The following STEAP3 variants were observed in gnomAD, a reference collection of about 807,000 sequenced individuals.
STEAP3 encodes metalloreductase STEAP3.
STEAP3 carries 35 observed loss-of-function variants against 34.9 expected under a neutral mutation model. The ratio of observed to expected loss-of-function variants is 1.00; its 90% CI spans 0.76 to 1.33. STEAP3 has a LOEUF of 1.33. Among genes scored for constraint, STEAP3 ranks in the 40% most tolerant of loss-of-function variants. STEAP3 has a pLI of 0.00. For missense variants in STEAP3, 652 were observed against 667.6 expected (o/e 0.98, Z 0.26); for synonymous variants, 281 against 301.6 (o/e 0.93, Z 0.71).
chr2:119,263,568 A>G lies in STEAP3; in HGVS notation c.*230A>G, dbSNP rs906442169. 2 of 633,006 alleles carry G rather than the reference A, an allele frequency of 3.2e-6. No homozygotes were observed. The highest frequency in any genetic ancestry group is 2.7e-6 in the Non-Finnish European group (1 of 367,346). 39.2% of individuals were successfully genotyped at this position (633,006 alleles called of 1,614,324 possible). On this transcript the variant is annotated 3_prime_UTR_variant, in exon 6 of 6. Coordinates refer to ENST00000393110, the MANE Select transcript of STEAP3 (RefSeq NM_182915.3). ...TATATAACAGGATTTGCAATTATAC[A>G]TAGCTAGCTAAAAAGTTGGGTCTCT...
chr2:119,235,044 G>A (rs1216511958), intron 2 of STEAP3, among the ~76,000 whole-genome samples: 3 of 152,202 alleles, frequency 2.0e-5, no homozygotes, highest in Non-Finnish European at 4.4e-5. Context: ...AGGAAACTCT[G>A]TCCTCTGGGA....
chr2:119,236,523 T>C (rs1188698179), intron 2 of STEAP3, among the ~76,000 whole-genome samples: 1 of 152,172 alleles, frequency 6.6e-6, no homozygotes, highest in Non-Finnish European at 1.5e-5. Context: ...GGCTGCATTG[T>C]GGGGAGTGGC....
rs1374285773 is a variant in STEAP3 at position 119,245,897 on chromosome 2, C to T, written c.431C>T (p.Ala144Val). 37 of 1,613,898 alleles carry T rather than the reference C, an allele frequency of 2.3e-5. No individual in the cohort carries two copies. The highest frequency in any genetic ancestry group is 3.1e-5 in the Non-Finnish European group (36 of 1,180,050). The stretch of plus-strand genomic sequence containing the variant: ...CGTGAGTCCAATGCTGAGTACCTGG[C>T]CTCCCTCTTCCCCACTTGCACAGTG... ...QHRESNAEYL[A>V]SLFPTCTVVK... The change falls in exon 3 of 6, where the codon GCC (alanine) becomes GTC (valine). Residue 144 changes from alanine (A) to valine (V), a missense_variant. Ala to Val is a moderately conservative substitution (Grantham distance 64). Coordinates refer to ENST00000393110, the MANE Select transcript of STEAP3 (RefSeq NM_182915.3).
intron 1 of STEAP3, among the ~76,000 whole-genome samples, chr2:119,227,949 C>T (rs1278809784): frequency 6.6e-6 from 1 of 152,150 alleles, no homozygotes; most frequent in Non-Finnish European, 1.5e-5. Context: ...CCTGCTTCAG[C>T]CTCCTGAGCA....
chr2:119,259,097 G>C (rs915802842), intron 5 of STEAP3, among the ~76,000 whole-genome samples: 3 of 152,094 alleles, frequency 2.0e-5, no homozygotes, highest in South Asian at 2.1e-4. Context: ...CTTTCCCAGA[G>C]TTAGAGGAAC....
In STEAP3 at chr2:119,245,807, A is replaced by G. The variant is rs1573559253; in HGVS notation, c.341A>G (p.Asp114Gly). 1 of 1,614,174 alleles carries G rather than the reference A, an allele frequency of 6.2e-7. No individual in the cohort carries two copies. The highest frequency in any genetic ancestry group is 2.2e-5 in the East Asian group (1 of 44,876). Reference protein sequence around the residue: ...EHYSSLCSLSDQLAGKILVDV... With the variant: ...EHYSSLCSLSGQLAGKILVDV... ...TACTCTTCACTGTGCAGTCTCAGTG[A>G]CCAGCTGGCGGGCAAGATCCTGGTG... Residue 114 changes from aspartate (D) to glycine (G), a missense_variant, in exon 3 of 6, where the codon GAC becomes GGC. By Grantham distance (94) the Asp-to-Gly change is moderately conservative (BLOSUM62 -1). Coordinates refer to ENST00000393110, the MANE Select transcript of STEAP3 (RefSeq NM_182915.3).
At position 119,263,246 on chromosome 2, in the gene STEAP3, G is replaced by T. The variant is rs771841410; in HGVS notation, c.1405G>T (p.Ala469Ser). The T allele has an allele frequency of 2.5e-6, 4 of 1,613,984 alleles. No individual in the cohort carries two copies. The highest frequency in any genetic ancestry group is 1.6e-4 in the Middle Eastern group (1 of 6,084). The change falls in exon 6 of 6, where the codon GCC becomes TCC. Residue 469 changes from alanine (A) to serine (S), a missense_variant. Ala to Ser is a moderately conservative substitution (Grantham distance 99). Transcript: ENST00000393110. The stretch of plus-strand genomic sequence containing the variant: ...CCTGCCCTGCATCAGCCGCAGACTC[G>T]CCAGGATCCGGAGAGGCTGGGAGAG... ...FLLPCISRRL[A>S]RIRRGWERES...
chr2:119,263,267 G>A lies in STEAP3; in HGVS notation c.1426G>A (p.Glu476Lys), dbSNP rs750665147. The change falls in exon 6 of 6, where the codon GAG becomes AAG. Residue 476 changes from glutamate to lysine, a missense_variant. Coordinates refer to ENST00000393110, the MANE Select transcript of STEAP3 (RefSeq NM_182915.3). ...RRLARIRRGW[E>K]RESTIKFTLP... ...ACTCGCCAGGATCCGGAGAGGCTGG[G>A]AGAGGGAGAGCACCATCAAGTTCAC... is the stretch of plus-strand genomic sequence containing the variant. 8.1e-6 allele frequency: 13 copies of A among 1,613,970 alleles called. No homozygotes were observed. The highest frequency in any genetic ancestry group is 1.6e-4 in the Middle Eastern group (1 of 6,084).
At chr2:119,238,126 T>C (rs10182241) in intron 2 of STEAP3, among the ~76,000 whole-genome samples, 1,952 of 152,336 alleles carry the variant, frequency 0.013, 42 homozygotes, top group African/African-American at 0.044. Context: ...GTGAAAATGT[T>C]TTTGTGTGGA....
chr2:119,254,554 C>A, intron 4 of STEAP3, 130 bp from the exon 5 acceptor site: 1 of 1,010,254 alleles, frequency 9.9e-7, no homozygotes, highest in Non-Finnish European at 1.5e-6. Context: ...AAACGCTTAT[C>A]ACAGAGCCAG....
At chr2:119,231,358 T>C (rs1248294174) in intron 2 of STEAP3, among the ~76,000 whole-genome samples, 1 of 149,056 alleles carries the variant, frequency 6.7e-6, no homozygotes, top group African/African-American at 2.5e-5. Context: ...TGTGTGTGTG[T>C]GTGTGTGTGT....
chr2:119,227,222 C>T (rs1489033119), intron 1 of STEAP3, among the ~76,000 whole-genome samples: 2 of 152,028 alleles, frequency 1.3e-5, no homozygotes, highest in African/African-American at 2.4e-5. Flanking sequence ...CAAAGACACC[C>T]GCTCCCCTCA....
Position 119,230,958 on chromosome 2 carries a change from C to A in STEAP3, c.-55C>A. On this transcript the variant is annotated 5_prime_UTR_variant, in exon 2 of 6. Coordinates refer to ENST00000393110, the MANE Select transcript of STEAP3 (RefSeq NM_182915.3). ...AGACTGAGCCAGAAAGGGTGGCTCA[C>A]CTCACGGTGAGGCTGTCGAGTGACC... 6.2e-7 allele frequency: 1 copy of A among 1,613,522 alleles called. No homozygotes were observed. Among genetic ancestry groups the A allele is most frequent in the Non-Finnish European group, 8.5e-7 (1 of 1,179,432 alleles).
At chr2:119,236,367 G>A (rs778105931) in intron 2 of STEAP3, among the ~76,000 whole-genome samples, 36 of 152,310 alleles carry the variant, frequency 2.4e-4, no homozygotes, top group Non-Finnish European at 2.6e-4. Flanking sequence ...TGACTTGGCC[G>A]GGCCGCCAGC....
At chr2:119,244,621 G>A (rs938154611) in intron 2 of STEAP3, 1 of 152,246 alleles carries the variant, frequency 6.6e-6, no homozygotes, top group Non-Finnish European at 1.5e-5. Flanking sequence ...ATCTTGGTCA[G>A]TATTAATGAA....
At chr2:119,225,293 G>A (rs946490640) in intron 1 of STEAP3, among the ~76,000 whole-genome samples, 6 of 152,240 alleles carry the variant, frequency 3.9e-5, no homozygotes, top group Non-Finnish European at 5.9e-5. Flanking sequence ...GTAAGTGGGC[G>A]GGGTGGGGTA....
In STEAP3 at chr2:119,263,380, G is replaced by A. The variant is rs370568683; in HGVS notation, c.*42G>A. ...TCTGGACCCCGGGCACACGAGGGAC[G>A]GTGCCCTGAGCCCGTTAGGTTTTCT... On this transcript the variant is annotated 3_prime_UTR_variant, in exon 6 of 6. Coordinates refer to ENST00000393110, the MANE Select transcript of STEAP3 (RefSeq NM_182915.3). 3.7e-5 allele frequency: 59 copies of A among 1,591,142 alleles called. No homozygotes were observed. Among genetic ancestry groups the A allele is most frequent in the Non-Finnish European group, 4.4e-5 (52 of 1,169,500 alleles).
chr2:119,224,745 G>A (rs1010806474), intron 1 of STEAP3, among the ~76,000 whole-genome samples: 1 of 152,190 alleles, frequency 6.6e-6, no homozygotes, highest in African/African-American at 2.4e-5. Flanking sequence ...CCCCCAGGGA[G>A]GTATTTCTGT....
chr2:119,231,342 CGTGTGTGT>C (rs6146901), intron 2 of STEAP3, among the ~76,000 whole-genome samples: 14,345 of 143,460 alleles, frequency 0.1, 1,135 homozygotes, highest in African/African-American at 0.22. Context: ...CACACAGTTG[CGTGTGTGT>C]GTGTGTGTGT....
Sources: gnomAD v4.1 joint callset for allele counts (sites outside exome capture counted in the v4.1 genomes callset) on GRCh38, gnomAD v4.1.1 for gene constraint, MANE v1.5 for transcripts, NCBI Gene and HGNC (gene_info 2026-07-23, HGNC 2026-07-21) for gene names.